The following LRRC57 variants were observed in gnomAD, a reference collection of about 807,000 sequenced individuals.
LRRC57 encodes the protein leucine rich repeat containing 57.
A neutral mutation model predicts 23.1 loss-of-function variants in LRRC57; 14 were observed. The observed-to-expected ratio is 0.61, with a 90% CI of 0.40 to 0.95. LRRC57 has a LOEUF of 0.95. Among genes scored for constraint, LRRC57 ranks in the 40% least tolerant of loss-of-function variants. LRRC57 has a pLI of 0.00. For synonymous variants in LRRC57, 106 were observed against 115.2 expected (o/e 0.92, Z 0.51); for missense variants, 236 against 284.4 (o/e 0.83, Z 1.22).
chr15:42,545,949 CTGCTCCCACG>C (rs1390118574), intron 4 of LRRC57, among the ~76,000 whole-genome samples: 1 of 152,140 alleles, frequency 6.6e-6, no homozygotes, highest in African/African-American at 2.4e-5. Flanking sequence ...TACCTCTATT[CTGCTCCCACG>C]TTTCCAACTT....
At position 42,548,060 on chromosome 15, in the gene LRRC57, G is replaced by A. The variant is rs547893266; in HGVS notation, c.223+46C>T. 538 of 1,606,866 alleles carry A rather than the reference G, an allele frequency of 3.3e-4. 9 individuals are homozygous for A. In the South Asian group the frequency reaches 5.6e-3, roughly 17 times the overall value. ...CAGCTTGTAAGAGAAAACCACCCCT[G>A]GTAACAGCTGATCACTAGCAAAAGC... On this transcript the variant is annotated intron_variant, in intron 3 of 5. Transcript: ENST00000397130.
Position 42,542,577 on chromosome 15 carries a change from A to T in LRRC57, c.*1506T>A, listed in dbSNP as rs2057635913. ...CTGTCACTCAGAGAGTAAGCTTGAT[A>T]AACATAGGTTGTTTTAAAATATTAT... On this transcript the variant is annotated 3_prime_UTR_variant, in exon 6 of 6. Transcript: ENST00000397130. 1.3e-5 allele frequency: 2 copies of T among 152,638 alleles called. No homozygotes were observed. Among genetic ancestry groups the T allele is most frequent in the South Asian group, 4.1e-4 (2 of 4,834 alleles). The allele number at this position is 152,638 out of a possible 1,614,324, so 9.5% of individuals were successfully genotyped here. A position where few individuals can be genotyped will look rare whatever the true frequency, so the allele number is the denominator to read the frequency against.
At chr15:42,546,252 G>A (rs1349460898) in intron 4 of LRRC57, among the ~76,000 whole-genome samples, 2 of 152,204 alleles carry the variant, frequency 1.3e-5, no homozygotes, top group African/African-American at 4.8e-5. Flanking sequence ...GAAACACTGA[G>A]GGTAGGGGGC....
the LRRC57 span, chr15:42,531,711 TTCATATG>T: frequency 3.2e-5 from 12 of 378,504 alleles, no homozygotes; most frequent in Non-Finnish European, 4.2e-5. Flanking sequence ...TAGATTGGTT[TTCATATG>T]TCATGTTTAG....
At chr15:42,534,954 C>T (rs2057593005), downstream of LRRC57, among the ~76,000 whole-genome samples, 1 of 152,172 alleles carries the variant, frequency 6.6e-6, no homozygotes, top group African/African-American at 2.4e-5. Flanking sequence ...CTTAAGGCCC[C>T]TATATTTTCA....
the LRRC57 span, among the ~76,000 whole-genome samples, chr15:42,530,808 G>C: frequency 1.3e-5 from 2 of 152,212 alleles, no homozygotes; most frequent in African/African-American, 4.8e-5. Flanking sequence ...ACTTTAGGGT[G>C]AGTTTTTAAG....
the LRRC57 span, chr15:42,528,439 A>G: frequency 6.2e-7 from 1 of 1,613,128 alleles, no homozygotes; most frequent in Non-Finnish European, 8.5e-7. Flanking sequence ...ACTCCTCCTG[A>G]TATTCCTGTA....
rs1024452649 is a variant in LRRC57, at chr15:42,545,252, A to G, written c.503T>C (p.Ile168Thr). 1 of 1,566,026 alleles carries G rather than the reference A, an allele frequency of 6.4e-7. No homozygotes were observed. ...LNLNQNQISQISVKISCCPRL... is the reference protein window; with the variant it reads ...LNLNQNQISQTSVKISCCPRL... ...TGGACAGCAAGATATCTTCACTGAG[A>G]TCTGAGATATCTATTGAAAAACCAC... The change falls in exon 5 of 6, where the codon ATC (isoleucine) becomes ACC (threonine). Residue 168 changes from isoleucine (I) to threonine (T), a missense_variant. Transcript: ENST00000397130.
intron 5 of LRRC57, 96 bp downstream of exon 5, chr15:42,544,981 T>C: frequency 1.0e-6 from 1 of 953,528 alleles, no homozygotes; most frequent in South Asian, 1.9e-5. Context: ...GAAGAACAAA[T>C]CCTGTTGACA....
At chr15:42,544,842 C>CACTATATATATATATATA in intron 5 of LRRC57, among the ~76,000 whole-genome samples, 1 of 98,038 alleles carries the variant, frequency 1.0e-5, no homozygotes, top group African/African-American at 6.7e-5. Context: ...CACACACACA[C>CACTATATATATATATATA]TATATATATA....
chr15:42,529,048 C>T, the LRRC57 span, among the ~76,000 whole-genome samples: 1 of 152,136 alleles, frequency 6.6e-6, no homozygotes, highest in Non-Finnish European at 1.5e-5. Flanking sequence ...CAGCTAGATT[C>T]CTGTAAGAAG....
downstream of LRRC57, among the ~76,000 whole-genome samples, chr15:42,536,413 A>G (rs112542610): frequency 6.6e-6 from 1 of 152,244 alleles, no homozygotes; most frequent in African/African-American, 2.4e-5. Context: ...CTAATGTAAG[A>G]GCTTAATAAG....
intron 4 of LRRC57, chr15:42,545,512 TG>T (rs2057654955): frequency 3.6e-6 from 1 of 276,854 alleles, no homozygotes; most frequent in East Asian, 6.1e-5. Context: ...CAAAATTTTC[TG>T]ATGATAAAAG....
chr15:42,545,272 A>C lies in LRRC57; in HGVS notation c.493-10T>G, dbSNP rs1436562025. On this transcript the variant is annotated splice_polypyrimidine_tract_variant and intron_variant, in intron 4 of 5. Transcript: ENST00000397130. ...CTGAGATCTGAGATATCTATTGAAAAACCACAAAAGAATAACAGGAAAAAG... is the reference window on the plus strand; with the variant it reads ...CTGAGATCTGAGATATCTATTGAAACACCACAAAAGAATAACAGGAAAAAG... 1.3e-6 allele frequency: 2 copies of C among 1,551,978 alleles called. No individual in the cohort carries two copies. Among genetic ancestry groups the C allele is most frequent in the Non-Finnish European group, 1.7e-6 (2 of 1,152,298 alleles).
rs560531511 is a variant in LRRC57, at chr15:42,538,889, A to T, written c.*5194T>A. On this transcript the variant is annotated 3_prime_UTR_variant, in exon 6 of 6. Transcript: ENST00000397130. ...TGCCTTCCAAACCAAGCTGTAAAAA[A>T]TTTGGGTGACTTGGGCCAGATGTGG... 2.0e-5 allele frequency: 3 copies of T among 152,340 alleles called. No homozygotes were observed. The highest frequency in any genetic ancestry group is 7.2e-5 in the African/African-American group (3 of 41,566). The allele number at this position is 152,340 out of a possible 1,614,324, so 9.4% of individuals were successfully genotyped here.
the LRRC57 span, chr15:42,529,667 T>G: frequency 6.2e-7 from 1 of 1,612,268 alleles, no homozygotes; most frequent in Non-Finnish European, 8.5e-7. Context: ...ACTGTCTTCT[T>G]GTGATAGCAT....
Position 42,539,860 on chromosome 15 carries a change from C to T in LRRC57, c.*4223G>A, listed in dbSNP as rs895459432. 6 of 152,180 alleles carry T rather than the reference C, an allele frequency of 3.9e-5. No homozygotes were observed. In the South Asian group the frequency reaches 6.2e-4, roughly 16 times the overall value. 9.4% of individuals were successfully genotyped at this position (152,180 alleles called of 1,614,324 possible). On this transcript the variant is annotated 3_prime_UTR_variant, in exon 6 of 6. Coordinates refer to ENST00000397130, the MANE Select transcript of LRRC57 (RefSeq NM_153260.3). ...GGGTGAGCAGTTAATTCGGCTTAGA[C>T]GCAGGAAAGAGGCTTAGACATACAG...
the LRRC57 span, chr15:42,531,455 G>A: frequency 6.3e-7 from 1 of 1,598,640 alleles, no homozygotes; most frequent in South Asian, 1.1e-5. Context: ...CAATGCCAGA[G>A]CAAAGAAACT....
intron 4 of LRRC57, 108 bp downstream of exon 4, chr15:42,547,153 T>C (rs2057662174): frequency 4.0e-6 from 5 of 1,248,550 alleles, no homozygotes; most frequent in Non-Finnish European, 5.5e-6. Context: ...ATTTAGCCTC[T>C]GATACTTAGC....
Sources: allele counts gnomAD v4.1 joint callset (sites outside exome capture counted in the v4.1 genomes callset), GRCh38; gene constraint gnomAD v4.1.1; transcripts MANE v1.5; gene names NCBI Gene and HGNC (gene_info 2026-07-23, HGNC 2026-07-21).